The following FMR1NB variants were observed in gnomAD, a reference collection of about 807,000 sequenced individuals.
FMR1NB encodes the protein FMR1 neighbor protein.
FMR1NB carries 10 observed loss-of-function variants against 16.8 expected under a neutral mutation model. That is an observed-to-expected ratio of 0.60 (90% confidence interval 0.37 to 1.01). The LOEUF (loss-of-function observed/expected upper bound fraction) is 1.01, where lower values mean the gene tolerates loss of function less well. Among genes scored for constraint, FMR1NB ranks in the 50% least tolerant of loss-of-function variants. FMR1NB has a pLI of 0.01. For missense variants in FMR1NB, 205 were observed against 204.8 expected (o/e 1.00, Z 0.00); for synonymous variants, 83 against 79.1 (o/e 1.05, Z -0.26).
At chrX:148,024,519 C>G (rs981208514) in intron 4 of FMR1NB, among the ~76,000 whole-genome samples, 1 of 111,722 alleles carries the variant, frequency 9.0e-6, no homozygotes, top group African/African-American at 3.2e-5. Flanking sequence ...AGGAATCCCT[C>G]TAAACTAGGA....
intron 1 of FMR1NB, among the ~76,000 whole-genome samples, chrX:148,002,568 A>G (rs939402643): frequency 1.8e-5 from 2 of 112,397 alleles, no homozygotes; most frequent in African/African-American, 3.2e-5. Flanking sequence ...ACATCAATAA[A>G]TTGTAAACAG....
At position 148,003,255 on chromosome X, in the gene FMR1NB, C is replaced by T. The variant is rs1557188798; in HGVS notation, c.332C>T (p.Ala111Val). ...CATATCCTGCCCAACAGTGAAAATG[C>T]TCATGGCCAATCTCTGGAAGAAGAT... ...NGHILPNSEN[A>V]HGQSLEEDSA... The change falls in exon 2 of 6, where the codon GCT becomes GTT. Residue 111 changes from alanine (A) to valine (V), a missense_variant. By Grantham distance (64) the Ala-to-Val change is moderately conservative. Transcript: ENST00000370467. 2 of 1,210,306 alleles carry T rather than the reference C, an allele frequency of 1.7e-6. No homozygotes were observed. Among genetic ancestry groups the T allele is most frequent in the Non-Finnish European group, 2.2e-6 (2 of 894,150 alleles).
At chrX:147,981,990 C>A (rs2044450497) in intron 1 of FMR1NB, among the ~76,000 whole-genome samples, 1 of 111,758 alleles carries the variant, frequency 8.9e-6, no homozygotes, top group Non-Finnish European at 1.9e-5. Flanking sequence ...CCCTTGTCGC[C>A]CCTTTTTAAA....
chrX:148,021,452 G>C (rs1265198866), intron 4 of FMR1NB, among the ~76,000 whole-genome samples: 3 of 107,429 alleles, frequency 2.8e-5, no homozygotes, highest in African/African-American at 1.0e-4. Context: ...TCCTATGGCG[G>C]GGTAGGATGG....
chrX:147,985,274 C>T (rs1349370075), intron 1 of FMR1NB, among the ~76,000 whole-genome samples: 2 of 111,411 alleles, frequency 1.8e-5, no homozygotes, highest in African/African-American at 6.5e-5. Context: ...CCAGTGAAGC[C>T]ATCCGTTCCT....
At chrX:147,996,681 T>C (rs1308073214) in intron 1 of FMR1NB, among the ~76,000 whole-genome samples, 1 of 111,809 alleles carries the variant, frequency 8.9e-6, no homozygotes, top group Non-Finnish European at 1.9e-5. Context: ...AGCAAAACAT[T>C]AAACCAAGCA....
At chrX:147,993,127 A>G (rs1344472856) in intron 1 of FMR1NB, among the ~76,000 whole-genome samples, 1 of 111,174 alleles carries the variant, frequency 9.0e-6, no homozygotes, top group Non-Finnish European at 1.9e-5. Flanking sequence ...CCTGGGCACC[A>G]TTGAGCACTG....
At chrX:148,016,061 G>A (rs1218002888) in intron 4 of FMR1NB, among the ~76,000 whole-genome samples, 1 of 111,722 alleles carries the variant, frequency 9.0e-6, no homozygotes, top group African/African-American at 3.3e-5. Flanking sequence ...TGTGGTGACT[G>A]TCTTTGTCTC....
chrX:147,986,054 T>C (rs2044474690), intron 1 of FMR1NB, among the ~76,000 whole-genome samples: 2 of 112,871 alleles, frequency 1.8e-5, no homozygotes, highest in Admixed American at 1.9e-4. Flanking sequence ...TTTATTTGCA[T>C]TTCTCTAATG....
intron 1 of FMR1NB, among the ~76,000 whole-genome samples, chrX:147,988,349 G>T (rs1308224334): frequency 1.8e-5 from 2 of 111,698 alleles, no homozygotes; most frequent in Non-Finnish European, 3.8e-5. Flanking sequence ...ACTCTATTCT[G>T]GCTTGTAGGG....
chrX:148,025,554 A>T (rs914650182), intron 5 of FMR1NB, among the ~76,000 whole-genome samples: 5 of 111,567 alleles, frequency 4.5e-5, no homozygotes, highest in Non-Finnish European at 9.4e-5. Flanking sequence ...AGGGTTATAG[A>T]TCCCTAGCCT....
chrX:148,016,803 C>A (rs1271842246), intron 4 of FMR1NB, among the ~76,000 whole-genome samples: 1 of 110,918 alleles, frequency 9.0e-6, no homozygotes, highest in Non-Finnish European at 1.9e-5. Context: ...CTGCTTGTAT[C>A]TTATAGTAGT....
At chrX:147,989,873 T>A (rs925009475) in intron 1 of FMR1NB, among the ~76,000 whole-genome samples, 2 of 110,357 alleles carry the variant, frequency 1.8e-5, no homozygotes, top group Non-Finnish European at 3.8e-5. Flanking sequence ...TTGTCCCAGG[T>A]CGACTTCAGA....
At chrX:147,990,079 G>C (rs1216475941) in intron 1 of FMR1NB, among the ~76,000 whole-genome samples, 4 of 109,724 alleles carry the variant, frequency 3.6e-5, no homozygotes, top group African/African-American at 1.3e-4. Flanking sequence ...AGCTAGCTCC[G>C]TGTCTGTCTG....
intron 1 of FMR1NB, among the ~76,000 whole-genome samples, chrX:147,990,875 T>A (rs1441507628): frequency 1.8e-5 from 2 of 110,114 alleles, no homozygotes; most frequent in Admixed American, 1.9e-4. Flanking sequence ...GGGACTAACC[T>A]TCTTCACCAC....
intron 1 of FMR1NB, among the ~76,000 whole-genome samples, chrX:148,000,889 A>G (rs1375536109): frequency 1.8e-5 from 2 of 112,109 alleles, no homozygotes; most frequent in East Asian, 5.6e-4. Context: ...CAGTGAAAGA[A>G]GAAAAATAAT....
intron 4 of FMR1NB, among the ~76,000 whole-genome samples, chrX:148,015,052 T>C (rs971318616): frequency 1.1e-4 from 12 of 111,775 alleles, no homozygotes; most frequent in Non-Finnish European, 2.1e-4. Flanking sequence ...TTCAATTTAG[T>C]TAGGTTGTAT....
At chrX:148,023,991 G>A (rs1272712991) in intron 4 of FMR1NB, among the ~76,000 whole-genome samples, 6 of 111,508 alleles carry the variant, frequency 5.4e-5, no homozygotes, top group Non-Finnish European at 1.1e-4. Flanking sequence ...TATGAAAAAT[G>A]GGAATGATAG....
At chrX:148,025,281 C>T (rs1306987256) in intron 5 of FMR1NB, among the ~76,000 whole-genome samples, 1 of 111,220 alleles carries the variant, frequency 9.0e-6, no homozygotes, top group Non-Finnish European at 1.9e-5. Flanking sequence ...GAAGTTGATC[C>T]TGCCCACTCT....
Sources: allele counts gnomAD v4.1 joint callset (sites outside exome capture counted in the v4.1 genomes callset), GRCh38; gene constraint gnomAD v4.1.1; transcripts MANE v1.5; gene names NCBI Gene and HGNC (gene_info 2026-07-23, HGNC 2026-07-21).